NHSL1: variants seen among roughly 807,000 people sequenced by gnomAD.
The protein encoded by NHSL1 is NHS-like protein 1.
A neutral mutation model predicts 95.0 loss-of-function variants in NHSL1; 48 were observed. The observed-to-expected ratio is 0.51, with a 90% CI of 0.40 to 0.64. NHSL1 has a LOEUF of 0.64. Ranked by LOEUF, NHSL1 falls within the 30% of genes least tolerant of loss-of-function variation. The pLI, the probability that NHSL1 is intolerant of heterozygous loss-of-function variation, is 0.00. For missense variants in NHSL1, 1,971 were observed against 2,077.7 expected (o/e 0.95, Z 1.00); for synonymous variants, 783 against 833.9 (o/e 0.94, Z 1.05).
intron 1 of NHSL1, among the ~76,000 whole-genome samples, chr6:138,600,155 AT>A (rs1304779405): frequency 6.6e-6 from 1 of 152,100 alleles, no homozygotes; most frequent in Non-Finnish European, 1.5e-5. Context: ...AAAAAAAAAT[AT>A]TAATTAATTA....
chr6:138,493,011 G>A (rs1413503589), intron 2 of NHSL1, among the ~76,000 whole-genome samples: 5 of 151,938 alleles, frequency 3.3e-5, no homozygotes, highest in Non-Finnish European at 5.9e-5. Flanking sequence ...AATCTTCACT[G>A]ATAATGAGGT....
upstream of NHSL1, among the ~76,000 whole-genome samples, chr6:138,546,427 CAAAAAAAAAAAAAA>C (rs1177720465): frequency 1.7e-3 from 85 of 50,964 alleles, 1 homozygote; most frequent in African/African-American, 1.9e-3. Context: ...CCCATCTCTA[CAAAAAAAAAAAAAA>C]AAAAAAAAAA....
rs981653520 is a variant in NHSL1 at position 138,424,255 on chromosome 6, T to C, written c.4647A>G (p.Gly1549=). 20 of 1,503,482 alleles carry C rather than the reference T, an allele frequency of 1.3e-5. No individual in the cohort carries two copies. In the Middle Eastern group the frequency reaches 5.2e-4, roughly 39 times the overall value. 93.1% of individuals were successfully genotyped at this position (1,503,482 alleles called of 1,614,324 possible). A position where few individuals can be genotyped will look rare whatever the true frequency, so the allele number is the denominator to read the frequency against. ...IARGALGAAE[G]CSLDGLAREE... is the part of the protein sequence containing the mutation. ...CCCTCGCCAGTCCGTCCAGGGAACATCCCTCCGCAGCGCCCAGAGCCCCGC... is the reference window on the plus strand; with the variant it reads ...CCCTCGCCAGTCCGTCCAGGGAACACCCCTCCGCAGCGCCCAGAGCCCCGC... The change falls in exon 8 of 8, where the codon GGA becomes GGG. Residue 1549 remains glycine (G), a synonymous_variant. Coordinates refer to ENST00000343505, the MANE Select transcript of NHSL1 (RefSeq NM_001144060.2). The surrounding 1 kb of genome is among the most constrained non-coding windows in gnomAD (Gnocchi z 5.9).
chr6:138,590,737 T>C (rs1784212590), intron 1 of NHSL1, among the ~76,000 whole-genome samples: 1 of 152,212 alleles, frequency 6.6e-6, no homozygotes, highest in Admixed American at 6.5e-5. Flanking sequence ...AGCCTGGTCA[T>C]ATGGGATTTC....
intron 2 of NHSL1, among the ~76,000 whole-genome samples, chr6:138,486,896 G>A (rs926073708): frequency 6.6e-6 from 1 of 152,160 alleles, no homozygotes; most frequent in African/African-American, 2.4e-5. Context: ...TCCATGACAA[G>A]GTAGAAAAGG....
At chr6:138,628,728 A>T (rs943098201) in intron 1 of NHSL1, among the ~76,000 whole-genome samples, 1 of 152,236 alleles carries the variant, frequency 6.6e-6, no homozygotes, top group Non-Finnish European at 1.5e-5. Context: ...AACCTGGGTG[A>T]CAGAGTAAGA....
chr6:138,491,239 A>C (rs1254652638), intron 2 of NHSL1, among the ~76,000 whole-genome samples: 1 of 152,216 alleles, frequency 6.6e-6, no homozygotes, highest in Non-Finnish European at 1.5e-5. Context: ...TAATTCAGGC[A>C]GGAATGTACA....
Position 138,473,390 on chromosome 6 carries a change from G to C in NHSL1, c.255C>G (p.Tyr85Ter). ...CCGCAAAGGTGGGTCCCTGAGAGTA[G>C]TACTGAGAACTGCGGTAGCCATCAT... ...LRHDGYRSSQ[Y>*]YSQGPTFAAN... is the part of the protein sequence containing the mutation. The change falls in exon 3 of 8, where the codon TAC becomes TAG. Residue 85 changes from tyrosine to a stop codon, truncating the protein, a stop_gained. Transcript: ENST00000343505. LOFTEE classifies it high-confidence loss of function. 1.3e-6 allele frequency: 2 copies of C among 1,542,676 alleles called. No individual in the cohort carries two copies. Among genetic ancestry groups the C allele is most frequent in the Non-Finnish European group, 1.7e-6 (2 of 1,143,118 alleles).
At chr6:138,523,680 A>G (rs1781787596) in intron 1 of NHSL1, among the ~76,000 whole-genome samples, 1 of 151,510 alleles carries the variant, frequency 6.6e-6, no homozygotes, top group Admixed American at 6.6e-5. Context: ...GGAATAGAAG[A>G]CAGGAGACTG....
At chr6:138,478,964 C>A (rs1192723364) in intron 2 of NHSL1, among the ~76,000 whole-genome samples, 1 of 152,184 alleles carries the variant, frequency 6.6e-6, no homozygotes, top group Non-Finnish European at 1.5e-5. Context: ...TCATCTGACT[C>A]TCACATGAAT....
chr6:138,515,304 C>A (rs1380901309), intron 1 of NHSL1, among the ~76,000 whole-genome samples: 1 of 152,182 alleles, frequency 6.6e-6, no homozygotes, highest in African/African-American at 2.4e-5. Context: ...GAGCTTTTAA[C>A]TGGAGACAAA....
At chr6:138,617,645 C>T (rs569416059) in intron 1 of NHSL1, among the ~76,000 whole-genome samples, 9 of 152,174 alleles carry the variant, frequency 5.9e-5, no homozygotes, top group African/African-American at 9.7e-5. Context: ...GAGAACAATG[C>T]GCACGCAGAC....
chr6:138,482,731 C>A (rs1018576431), intron 2 of NHSL1, among the ~76,000 whole-genome samples: 1 of 152,122 alleles, frequency 6.6e-6, no homozygotes, highest in African/African-American at 2.4e-5. Flanking sequence ...GAGAGAAGAG[C>A]AGCAGCAGTC....
chr6:138,663,136 G>A (rs1282866110), intron 1 of NHSL1, among the ~76,000 whole-genome samples: 1 of 151,236 alleles, frequency 6.6e-6, no homozygotes, highest in Non-Finnish European at 1.5e-5. Context: ...TTTCCCTGTA[G>A]TGGAATACTA....
chr6:138,454,190 C>CGTGTGT (rs1554226359), intron 3 of NHSL1, among the ~76,000 whole-genome samples: 17 of 151,268 alleles, frequency 1.1e-4, no homozygotes, highest in Admixed American at 3.9e-4. Flanking sequence ...TATATGTGTG[C>CGTGTGT]GTGTGTGTGT....
chr6:138,483,986 C>G (rs1233258265), intron 2 of NHSL1, among the ~76,000 whole-genome samples: 1 of 152,190 alleles, frequency 6.6e-6, no homozygotes, highest in African/African-American at 2.4e-5. Context: ...ATGACCTGAC[C>G]TCCCATTAAA....
intron 1 of NHSL1, among the ~76,000 whole-genome samples, chr6:138,641,582 C>A (rs1393927525): frequency 6.8e-6 from 1 of 147,384 alleles, no homozygotes; most frequent in African/African-American, 2.6e-5. Flanking sequence ...GAGATCGTGC[C>A]ACCGCACTCC....
At chr6:138,519,981 A>G (rs1016749644) in intron 1 of NHSL1, among the ~76,000 whole-genome samples, 8 of 152,182 alleles carry the variant, frequency 5.3e-5, no homozygotes, top group African/African-American at 1.9e-4. Context: ...AGCTGCCTTC[A>G]ATCCTTTCTG....
intron 2 of NHSL1, among the ~76,000 whole-genome samples, chr6:138,484,570 A>G (rs763768144): frequency 5.3e-5 from 8 of 152,218 alleles, no homozygotes; most frequent in South Asian, 2.1e-4. Flanking sequence ...CAATGCATTA[A>G]CACATTTTAG....
Sources: allele counts gnomAD v4.1 joint callset (sites outside exome capture counted in the v4.1 genomes callset), GRCh38; gene constraint gnomAD v4.1.1; non-coding constraint Gnocchi (gnomAD v3.1); transcripts MANE v1.5; gene names NCBI Gene and HGNC (gene_info 2026-07-23, HGNC 2026-07-21).